The following FAM222B variants were observed in gnomAD, a reference collection of about 807,000 sequenced individuals.
The protein encoded by FAM222B is protein FAM222B.
In FAM222B, 12 loss-of-function variants were observed where a neutral mutation model predicts 38.0. The ratio of observed to expected loss-of-function variants is 0.32; its 90% CI spans 0.20 to 0.51. The LOEUF is 0.51. Among genes scored for constraint, FAM222B ranks in the 20% least tolerant of loss-of-function variants. The pLI is 0.97. For missense variants in FAM222B, 716 were observed against 754.2 expected, an observed-to-expected ratio of 0.95 and a Z score of 0.59; for synonymous variants, 329 against 317.2, an observed-to-expected ratio of 1.04 and a Z score of -0.40.
At chr17:28,826,745 A>G (rs1045632846) in intron 1 of FAM222B, among the ~76,000 whole-genome samples, 13 of 151,968 alleles carry the variant, frequency 8.6e-5, no homozygotes, top group Admixed American at 1.3e-4. Context: ...TGTAAGCTCC[A>G]TAACAGCAGG....
chr17:28,799,474 G>T (rs1384000915), intron 1 of FAM222B, among the ~76,000 whole-genome samples: 38 of 146,304 alleles, frequency 2.6e-4, no homozygotes, highest in African/African-American at 9.3e-4. Context: ...ATTTTTTTTT[G>T]TTGTTGTTGT....
intron 1 of FAM222B, among the ~76,000 whole-genome samples, chr17:28,840,051 C>CTTTTAAAAGGAGTCTGCATCTCTACT (rs1349714236): frequency 1.3e-5 from 2 of 152,072 alleles, no homozygotes; most frequent in African/African-American, 4.8e-5. Flanking sequence ...TGTCTATGTC[C>CTTTTAAAAGGAGTCTGCATCTCTACT]TTTTAAAAGG....
At chr17:28,831,601 G>C (rs2038671936) in intron 1 of FAM222B, among the ~76,000 whole-genome samples, 2 of 150,618 alleles carry the variant, frequency 1.3e-5, no homozygotes, top group South Asian at 4.2e-4. Context: ...CCGCCTTCTG[G>C]GCTCAAGCAA....
At chr17:28,824,538 AC>A (rs1231578385) in intron 1 of FAM222B, among the ~76,000 whole-genome samples, 1 of 151,926 alleles carries the variant, frequency 6.6e-6, no homozygotes, top group African/African-American at 2.4e-5. Flanking sequence ...AACAGCAACA[AC>A]CATTTACCTC....
At chr17:28,825,296 C>T (rs562921322) in intron 1 of FAM222B, among the ~76,000 whole-genome samples, 8 of 151,792 alleles carry the variant, frequency 5.3e-5, no homozygotes, top group Admixed American at 2.6e-4. Flanking sequence ...ATTAGCCGGA[C>T]GTAGAGGCGT....
chr17:28,851,736 G>A (rs2039182539), intron 1 of FAM222B, among the ~76,000 whole-genome samples: 1 of 151,862 alleles, frequency 6.6e-6, no homozygotes, highest in African/African-American at 2.4e-5. Context: ...ATTAGCCAGT[G>A]TGGTGGCGGG....
intron 1 of FAM222B, among the ~76,000 whole-genome samples, chr17:28,834,027 A>G (rs1255932786): frequency 6.6e-6 from 1 of 152,092 alleles, no homozygotes; most frequent in Non-Finnish European, 1.5e-5. Flanking sequence ...AGCAATTTCA[A>G]CTCCATCTTT....
chr17:28,786,865 C>T lies in FAM222B; in HGVS notation c.-40-20158G>A, dbSNP rs574262072. Among the ~76,000 whole-genome samples, 26 of 143,258 alleles carry T rather than the reference C, an allele frequency of 1.8e-4. No homozygotes were observed. In the South Asian group the frequency reaches 4.8e-3, roughly 26 times the overall value. The allele number at this position is 143,258 out of a possible 152,430, so 94.0% of individuals were successfully genotyped here. A position where few individuals can be genotyped will look rare whatever the true frequency, so the allele number is the denominator to read the frequency against. ...TCAGGGCAGGGAGAATGAAGTTTTA[C>T]TTATAGCTAACACACTGCCCTTCAC... is the stretch of plus-strand genomic sequence containing the variant. On this transcript the variant is annotated intron_variant, in intron 1 of 2. Transcript: ENST00000581407.
chr17:28,780,128 T>C (rs2036102442), intron 1 of FAM222B, among the ~76,000 whole-genome samples: 1 of 152,006 alleles, frequency 6.6e-6, no homozygotes, highest in Non-Finnish European at 1.5e-5. Flanking sequence ...CATGCCACCA[T>C]GTCCGGCTAA....
intron 1 of FAM222B, among the ~76,000 whole-genome samples, chr17:28,784,884 G>T (rs2036332648): frequency 6.6e-6 from 1 of 152,000 alleles, no homozygotes; most frequent in Admixed American, 6.6e-5. Flanking sequence ...CTGAGTAGGT[G>T]GGACTACAGG....
chr17:28,771,322 G>T (rs1371065386), intron 1 of FAM222B, among the ~76,000 whole-genome samples: 1 of 152,118 alleles, frequency 6.6e-6, no homozygotes, highest in African/African-American at 2.4e-5. Flanking sequence ...CTTTCAGTGT[G>T]TATCAATGTT....
intron 1 of FAM222B, among the ~76,000 whole-genome samples, chr17:28,782,262 C>T (rs190350547): frequency 6.6e-6 from 1 of 152,220 alleles, no homozygotes; most frequent in Admixed American, 6.5e-5. Flanking sequence ...CTCGAGGTTG[C>T]AGTGAGTTAT....
intron 1 of FAM222B, among the ~76,000 whole-genome samples, chr17:28,816,244 TCCA>T (rs2038018865): frequency 6.6e-6 from 1 of 151,942 alleles, no homozygotes; most frequent in African/African-American, 2.4e-5. Flanking sequence ...GCCACTGCAC[TCCA>T]GCCTGGGCGA....
upstream of FAM222B, among the ~76,000 whole-genome samples, chr17:28,845,056 C>T (rs573243303): frequency 2.3e-3 from 347 of 151,522 alleles, no homozygotes; most frequent in Non-Finnish European, 4.3e-3. Context: ...GAGCCGAGAT[C>T]GCACCACTGC....
At chr17:28,826,765 T>C (rs2038456106) in intron 1 of FAM222B, among the ~76,000 whole-genome samples, 1 of 151,986 alleles carries the variant, frequency 6.6e-6, no homozygotes, top group African/African-American at 2.4e-5. Flanking sequence ...GGACTTTGTC[T>C]ATCTTGTTTT....
chr17:28,842,130 A>T (rs2039060705), intron 1 of FAM222B, among the ~76,000 whole-genome samples: 1 of 152,168 alleles, frequency 6.6e-6, no homozygotes. Context: ...TGGTGTTCAG[A>T]AAGGTTAAGT....
intron 1 of FAM222B, among the ~76,000 whole-genome samples, chr17:28,818,224 C>CT (rs1159110943): frequency 6.6e-6 from 1 of 151,838 alleles, no homozygotes; most frequent in African/African-American, 2.4e-5. Context: ...GAGCAAGACC[C>CT]TGCCTTTAAA....
chr17:28,810,952 A>G (rs2037731007), intron 1 of FAM222B, among the ~76,000 whole-genome samples: 1 of 152,202 alleles, frequency 6.6e-6, no homozygotes, highest in Non-Finnish European at 1.5e-5. Context: ...GCTCCAGTGT[A>G]TCAATTCTGT....
chr17:28,846,986 G>A (rs2039149621), upstream of FAM222B, among the ~76,000 whole-genome samples: 1 of 152,008 alleles, frequency 6.6e-6, no homozygotes, highest in South Asian at 2.1e-4. Context: ...CACTTTGGGA[G>A]GCCTAGGTGG....
Sources: allele counts gnomAD v4.1 joint callset (sites outside exome capture counted in the v4.1 genomes callset), GRCh38; gene constraint gnomAD v4.1.1; transcripts MANE v1.5; gene names NCBI Gene and HGNC (gene_info 2026-07-23, HGNC 2026-07-21).